The following CC2D2A variants were observed in gnomAD, a reference collection of about 807,000 sequenced individuals.
CC2D2A encodes the protein coiled-coil and C2 domain-containing protein 2A.
In CC2D2A, 155 loss-of-function variants were observed where a neutral mutation model predicts 212.9. The ratio of observed to expected loss-of-function variants is 0.73; its 90% confidence interval spans 0.64 to 0.83. CC2D2A has a LOEUF of 0.83. Ranked by LOEUF, CC2D2A falls within the 40% of genes least tolerant of loss-of-function variation. CC2D2A has a pLI of 0.00. For synonymous variants in CC2D2A, 667 were observed against 686.5 expected, an observed-to-expected ratio of 0.97 and a Z score of 0.44; for missense variants, 1,856 against 1,956.2, an observed-to-expected ratio of 0.95 and a Z score of 0.97.
At chr4:15,501,483 C>T (rs767052145) in intron 4 of CC2D2A, among the ~76,000 whole-genome samples, 29 of 152,170 alleles carry the variant, frequency 1.9e-4, no homozygotes, top group South Asian at 2.1e-4. Context: ...GGAATATAGC[C>T]GAGACTCCTT....
At chr4:15,536,115 G>C (rs1718116315) in intron 14 of CC2D2A, among the ~76,000 whole-genome samples, 1 of 152,152 alleles carries the variant, frequency 6.6e-6, no homozygotes, top group Non-Finnish European at 1.5e-5. Context: ...TCTCCTGGTG[G>C]AGTATAAGCA....
At position 15,527,484 on chromosome 4, in the gene CC2D2A, G is replaced by C; in HGVS notation, c.1187G>C (p.Arg396Thr). The change falls in exon 12 of 37, where the codon AGA becomes ACA. Residue 396 changes from arginine (R) to threonine (T), a missense_variant. This residue lies in a region of CC2D2A where 1,512 missense variants were observed against 1,579.3 expected (regional missense o/e 0.96). Transcript: ENST00000424120. Reference protein sequence around the residue: ...KYVHSSQHVIRSGDPPGNFQL... With the variant: ...KYVHSSQHVITSGDPPGNFQL... ...GTTCACAGTAGTCAGCATGTGATCA[G>C]ATCTGGAGACCCTCCTGGAAATTTC... The C allele has an allele frequency of 6.2e-7, 1 of 1,613,646 alleles. No homozygotes were observed.
chr4:15,599,788 C>G, intron 36 of CC2D2A, 82 bp downstream of exon 36: 2 of 1,106,328 alleles, frequency 1.8e-6, no homozygotes, highest in Non-Finnish European at 2.5e-6. Flanking sequence ...TTTCTGGAAT[C>G]AAAAGACCCA....
At chr4:15,573,918 C>A (rs2109077539) in intron 28 of CC2D2A, among the ~76,000 whole-genome samples, 1 of 152,264 alleles carries the variant, frequency 6.6e-6, no homozygotes, top group African/African-American at 2.4e-5. Context: ...TGAACCTAAG[C>A]AAATTGTATA....
chr4:15,567,326 A>ATAATTAGACT (rs1719928837), intron 24 of CC2D2A, 51 bp from the exon 25 acceptor site: 1 of 1,327,838 alleles, frequency 7.5e-7, no homozygotes, highest in Non-Finnish European at 1.1e-6. Context: ...TTCTCAATAT[A>ATAATTAGACT]TAATTAGACT....
chr4:15,479,856 G>A (rs1019042024), intron 3 of CC2D2A, among the ~76,000 whole-genome samples: 1 of 152,190 alleles, frequency 6.6e-6, no homozygotes, highest in Non-Finnish European at 1.5e-5. Context: ...AGGCTGCCAC[G>A]GAGCTTAGAC....
intron 6 of CC2D2A, 142 bp downstream of exon 6, chr4:15,503,065 G>C: frequency 1.8e-6 from 1 of 552,812 alleles, no homozygotes; most frequent in East Asian, 3.9e-5. Flanking sequence ...GGGAGACTGA[G>C]GTGGGAGGAT....
At chr4:15,544,483 G>A (rs374667341) in intron 17 of CC2D2A, among the ~76,000 whole-genome samples, 12 of 152,306 alleles carry the variant, frequency 7.9e-5, no homozygotes, top group Middle Eastern at 3.4e-3. Flanking sequence ...ACAGTAATGA[G>A]GCAGGCAGGA....
At chr4:15,477,230 T>A (rs4698386) in intron 2 of CC2D2A, among the ~76,000 whole-genome samples, 77,906 of 149,864 alleles carry the variant, frequency 0.52, 20,787 homozygotes, top group African/African-American at 0.66. Flanking sequence ...TTGACCTGGG[T>A]GGCGGAGGTT....
At chr4:15,587,046 G>C (rs553731576) in intron 31 of CC2D2A, among the ~76,000 whole-genome samples, 38 of 152,302 alleles carry the variant, frequency 2.5e-4, no homozygotes, top group African/African-American at 7.0e-4. Context: ...GTCCCCTTTT[G>C]GCATCAGGGA....
chr4:15,482,383 A>G (rs2108976313), intron 4 of CC2D2A: 1 of 765,608 alleles, frequency 1.3e-6, no homozygotes, highest in South Asian at 6.0e-5. Flanking sequence ...TAAACACCCA[A>G]CATTTATTTT....
chr4:15,576,115 G>A (rs7665390), intron 29 of CC2D2A, among the ~76,000 whole-genome samples: 40,661 of 152,126 alleles, frequency 0.27, 5,637 homozygotes, highest in East Asian at 0.46. Flanking sequence ...GGTCACTACC[G>A]CACTGTGGCT....
chr4:15,502,726 C>A, intron 5 of CC2D2A, 96 bp from the exon 6 acceptor site: 2 of 1,167,168 alleles, frequency 1.7e-6, no homozygotes, highest in Non-Finnish European at 2.5e-6. Context: ...ATTTTCCTTG[C>A]TCTTCCCCTT....
intron 4 of CC2D2A, among the ~76,000 whole-genome samples, chr4:15,501,853 C>T (rs1443021128): frequency 1.3e-5 from 2 of 152,144 alleles, no homozygotes; most frequent in Admixed American, 1.3e-4. Context: ...ACCTGGCACA[C>T]AATAGCTGCC....
intron 8 of CC2D2A, among the ~76,000 whole-genome samples, chr4:15,513,164 T>C (rs1291921384): frequency 6.6e-6 from 1 of 152,186 alleles, no homozygotes; most frequent in Non-Finnish European, 1.5e-5. Context: ...GCTTATTCTA[T>C]AACAATCATT....
At chr4:15,594,985 A>T (rs1300260293) in intron 33 of CC2D2A, among the ~76,000 whole-genome samples, 13 of 146,888 alleles carry the variant, frequency 8.9e-5, no homozygotes, top group Admixed American at 2.0e-4. Flanking sequence ...AAAAAAAAAA[A>T]TTTTTTTTTA....
intron 11 of CC2D2A, among the ~76,000 whole-genome samples, chr4:15,524,447 ATT>A (rs71179636): frequency 6.1e-4 from 55 of 89,964 alleles, no homozygotes; most frequent in African/African-American, 1.3e-3. Flanking sequence ...AAAATTTTTA[ATT>A]TTTTTTTTTT....
At chr4:15,530,909 T>A (rs1271595533) in intron 13 of CC2D2A, among the ~76,000 whole-genome samples, 1 of 152,030 alleles carries the variant, frequency 6.6e-6, no homozygotes, top group East Asian at 1.9e-4. Context: ...AGCGGCATCA[T>A]GACTACATTC....
chr4:15,487,792 A>AAT (rs1715081121), intron 4 of CC2D2A, among the ~76,000 whole-genome samples: 1 of 147,460 alleles, frequency 6.8e-6, no homozygotes, highest in South Asian at 2.1e-4. Context: ...TGTTAAAAAA[A>AAT]TTTTTTTTTT....
Sources: allele counts gnomAD v4.1 joint callset (sites outside exome capture counted in the v4.1 genomes callset), GRCh38; gene constraint gnomAD v4.1.1; regional missense constraint gnomAD v4.1.1; transcripts MANE v1.5; gene names NCBI Gene and HGNC (gene_info 2026-07-23, HGNC 2026-07-21).